The following DIXDC1 variants were observed in gnomAD, a reference collection of about 807,000 sequenced individuals.
DIXDC1 encodes the protein DIX domain containing 1, also known as dixin.
A neutral mutation model predicts 103.1 loss-of-function variants in DIXDC1; 64 were observed. That is an observed-to-expected ratio of 0.62 (90% confidence interval 0.51 to 0.76). DIXDC1 has a LOEUF of 0.76. Ranked by LOEUF, DIXDC1 falls within the 30% of genes least tolerant of loss-of-function variation. The pLI is 0.00. For missense variants in DIXDC1, 759 were observed against 834.2 expected, an observed-to-expected ratio of 0.91 and a Z score of 1.11; for synonymous variants, 266 against 298.5, an observed-to-expected ratio of 0.89 and a Z score of 1.12.
chr11:111,960,821 C>T (rs587730170), intron 1 of DIXDC1, among the ~76,000 whole-genome samples: 6 of 152,148 alleles, frequency 3.9e-5, no homozygotes, highest in East Asian at 3.9e-4. Flanking sequence ...ACCAAGGGGG[C>T]TGGGAACCCC....
rs1250020372 is a variant in DIXDC1 at position 111,964,534 on chromosome 11, T to C, written c.61-15T>C. 1 of 1,580,930 alleles carries C rather than the reference T, an allele frequency of 6.3e-7. No homozygotes were observed. Among genetic ancestry groups the C allele is most frequent in the Admixed American group, 1.8e-5 (1 of 54,350 alleles). On this transcript the variant is annotated splice_polypyrimidine_tract_variant and intron_variant, in intron 1 of 19. Transcript: ENST00000440460. ...ATATGCTCTCTTTCCCTTACTTATA[T>C]CTTTTATTTTCCAGCAACAGCTGCA...
At chr11:111,942,300 G>T (rs1209202014) in intron 1 of DIXDC1, among the ~76,000 whole-genome samples, 12 of 152,192 alleles carry the variant, frequency 7.9e-5, no homozygotes, top group African/African-American at 2.9e-4. Flanking sequence ...TGTTAGCCAG[G>T]TGCCACTCCC....
chr11:111,946,666 G>GTT, intron 1 of DIXDC1: 1 of 290,878 alleles, frequency 3.4e-6, no homozygotes, highest in South Asian at 2.9e-5. Context: ...CAGCCAACAT[G>GTT]TTTTTTTTCC....
At chr11:111,982,554 A>T in intron 7 of DIXDC1, 67 bp downstream of exon 7, 4 of 1,526,100 alleles carry the variant, frequency 2.6e-6, no homozygotes, top group Non-Finnish European at 3.5e-6. Context: ...TTATCAATGG[A>T]AAATAAACTG....
chr11:111,937,319 C>A (rs587604417), upstream of DIXDC1: 1 of 1,339,544 alleles, frequency 7.5e-7, no homozygotes, highest in Non-Finnish European at 9.5e-7. Context: ...GGCCCCCGTG[C>A]GAGCATGCCC....
chr11:111,990,176 C>T lies in DIXDC1; in HGVS notation c.1113+1121C>T, dbSNP rs587772732. Among the ~76,000 whole-genome samples the T allele has an allele frequency of 2.0e-4, 28 of 143,268 alleles. No homozygotes were observed. In the South Asian group the frequency reaches 2.1e-3, roughly 11 times the overall value. 94.0% of individuals were successfully genotyped at this position (143,268 alleles called of 152,430 possible). A position where few individuals can be genotyped will look rare whatever the true frequency, so the allele number is the denominator to read the frequency against. The stretch of plus-strand genomic sequence containing the variant: ...CGTGATCTTGGCTTACTGCAATCTC[C>T]GCCTCCTGGGTTCAAGCGATTCTCC... On this transcript the variant is annotated intron_variant, in intron 10 of 19. Transcript: ENST00000440460.
chr11:111,929,740 C>G, intron 1 of DIXDC1: 1 of 905,120 alleles, frequency 1.1e-6, no homozygotes, highest in Non-Finnish European at 1.7e-6. Context: ...GGGTCTGGCC[C>G]CAACTCGGTT....
intron 3 of DIXDC1, among the ~76,000 whole-genome samples, chr11:111,971,367 A>G (rs1015774639): frequency 6.6e-6 from 1 of 152,242 alleles, no homozygotes; most frequent in East Asian, 1.9e-4. Flanking sequence ...AAGCTCATCA[A>G]CACTAATCAG....
At chr11:111,953,573 G>A (rs1289063940) in intron 1 of DIXDC1, among the ~76,000 whole-genome samples, 1 of 152,148 alleles carries the variant, frequency 6.6e-6, no homozygotes. Context: ...GGGAGGTGGA[G>A]GTTGTAGTGA....
At chr11:111,992,798 A>G (rs782475650) in intron 11 of DIXDC1, among the ~76,000 whole-genome samples, 153 bp from the exon 12 acceptor site, 1 of 152,190 alleles carries the variant, frequency 6.6e-6, no homozygotes, top group Non-Finnish European at 1.5e-5. Flanking sequence ...TTACTTCACT[A>G]AAAATGTGGA....
intron 5 of DIXDC1, chr11:111,975,987 T>G: frequency 3.5e-6 from 3 of 849,882 alleles, no homozygotes; most frequent in Middle Eastern, 6.0e-4. Flanking sequence ...TTAAACATTA[T>G]AAAGTGTACA....
chr11:111,930,217 T>C (rs587744236), intron 2 of DIXDC1, among the ~76,000 whole-genome samples: 1 of 152,310 alleles, frequency 6.6e-6, no homozygotes, highest in South Asian at 2.1e-4. Context: ...TTACAGAGCA[T>C]TGGAAAAATA....
chr11:112,004,690 T>C (rs1555176412), intron 17 of DIXDC1, among the ~76,000 whole-genome samples: 3 of 152,104 alleles, frequency 2.0e-5, no homozygotes, highest in Non-Finnish European at 4.4e-5. Context: ...GGCACAGGCA[T>C]ATGAGGAAAG....
Position 111,964,544 on chromosome 11 carries a change from T to C in DIXDC1, c.61-5T>C. ...TTTCCCTTACTTATATCTTTTATTT[T>C]CCAGCAACAGCTGCAGGCCTATGTG... is the stretch of plus-strand genomic sequence containing the variant. On this transcript the variant is annotated splice_polypyrimidine_tract_variant and splice_region_variant and intron_variant, in intron 1 of 19. Coordinates refer to ENST00000440460, the MANE Select transcript of DIXDC1 (RefSeq NM_001037954.4). 2 of 1,590,946 alleles carry C rather than the reference T, an allele frequency of 1.3e-6. No individual in the cohort carries two copies. Among genetic ancestry groups the C allele is most frequent in the Non-Finnish European group, 1.7e-6 (2 of 1,168,000 alleles).
At chr11:111,929,276 T>C (rs1965937989) in intron 1 of DIXDC1, among the ~76,000 whole-genome samples, 1 of 152,246 alleles carries the variant, frequency 6.6e-6, no homozygotes, top group Non-Finnish European at 1.5e-5. Context: ...GCTTCCAGTA[T>C]TTCTCCTGAT....
At position 111,985,110 on chromosome 11, in the gene DIXDC1, C is replaced by A. The variant is rs1488485912; in HGVS notation, c.919-122C>A. 7 of 788,900 alleles carry A rather than the reference C, an allele frequency of 8.9e-6. No individual in the cohort carries two copies. The East Asian group carries it at 1.6e-4, about 18-fold the overall frequency. The allele number at this position is 788,900 out of a possible 1,614,324, so 48.9% of individuals were successfully genotyped here. On this transcript the variant is annotated intron_variant, in intron 7 of 19. Coordinates refer to ENST00000440460, the MANE Select transcript of DIXDC1 (RefSeq NM_001037954.4). Reference sequence around the variant, plus strand: ...GAAGTATCTAAGGAGCAAAAATTACCAACGAAATGTCTTGAGGAGGCTGAG... The same window carrying A: ...GAAGTATCTAAGGAGCAAAAATTACAAACGAAATGTCTTGAGGAGGCTGAG...
chr11:111,932,107 T>C (rs1966041680), intron 2 of DIXDC1, among the ~76,000 whole-genome samples: 1 of 146,264 alleles, frequency 6.8e-6, no homozygotes, highest in African/African-American at 2.5e-5. Context: ...CTCAGCTCAC[T>C]GCAACCTCTG....
chr11:112,005,701 C>T (rs782094885), intron 17 of DIXDC1, among the ~76,000 whole-genome samples: 2 of 152,150 alleles, frequency 1.3e-5, no homozygotes, highest in Non-Finnish European at 2.9e-5. Flanking sequence ...CAGAGTGAGA[C>T]ACTGTCCTCT....
chr11:112,016,903 A>G, intron 18 of DIXDC1, 107 bp downstream of exon 18: 1 of 909,908 alleles, frequency 1.1e-6, no homozygotes, highest in Non-Finnish European at 1.7e-6. Context: ...GAAGCAGTAT[A>G]GTGAGATCTC....
Sources: allele counts gnomAD v4.1 joint callset (sites outside exome capture counted in the v4.1 genomes callset), GRCh38; gene constraint gnomAD v4.1.1; transcripts MANE v1.5; gene names NCBI Gene and HGNC (gene_info 2026-07-23, HGNC 2026-07-21).